The following FRMD4B variants were observed in gnomAD, a reference collection of about 807,000 sequenced individuals.
The protein encoded by FRMD4B is FERM domain-containing protein 4B.
FRMD4B carries 74 observed loss-of-function variants against 141.5 expected under a neutral mutation model. The observed-to-expected ratio is 0.52, with a 90% CI of 0.43 to 0.63. FRMD4B has a LOEUF of 0.63. Ranked by LOEUF, FRMD4B falls within the 30% of genes least tolerant of loss-of-function variation. The pLI, the probability that FRMD4B is intolerant of heterozygous loss-of-function variation, is 0.00. For synonymous variants in FRMD4B, 506 were observed against 467.9 expected, an observed-to-expected ratio of 1.08 and a Z score of -1.05; for missense variants, 1,366 against 1,253.4, an observed-to-expected ratio of 1.09 and a Z score of -1.36.
chr3:69,307,352 T>C (rs1479053648), intron 3 of FRMD4B, among the ~76,000 whole-genome samples: 1 of 152,074 alleles, frequency 6.6e-6, no homozygotes, highest in Admixed American at 6.5e-5. Flanking sequence ...TTATTCCTTT[T>C]CTTTTCCTTT....
intron 1 of FRMD4B, among the ~76,000 whole-genome samples, chr3:69,460,738 A>G (rs1705695481): frequency 6.6e-6 from 1 of 152,148 alleles, no homozygotes; most frequent in South Asian, 2.1e-4. Flanking sequence ...TGACCAGGTT[A>G]CCCACAGCAC....
chr3:69,274,806 A>G (rs1455864909), intron 5 of FRMD4B, among the ~76,000 whole-genome samples: 2 of 152,194 alleles, frequency 1.3e-5, no homozygotes, highest in African/African-American at 4.8e-5. Flanking sequence ...GGCATGAGCC[A>G]CTGCACCCAG....
chr3:69,207,172 G>A (rs988518132), intron 11 of FRMD4B, among the ~76,000 whole-genome samples: 1 of 152,044 alleles, frequency 6.6e-6, no homozygotes, highest in Non-Finnish European at 1.5e-5. Flanking sequence ...GGACACAATG[G>A]CACATGCCTA....
In FRMD4B at chr3:69,188,794, G is replaced by A. The variant is rs113421150; in HGVS notation, c.1772-877C>T. Among the ~76,000 whole-genome samples, 305 of 142,762 alleles carry A rather than the reference G, an allele frequency of 2.1e-3. 1 individual carries two copies. Among genetic ancestry groups the A allele is most frequent in the African/African-American group, 7.7e-3 (287 of 37,358 alleles). The allele number at this position is 142,762 out of a possible 152,430, so 93.7% of individuals were successfully genotyped here. A position where few individuals can be genotyped will look rare whatever the true frequency, so the allele number is the denominator to read the frequency against. ...AAAAAAAAAAAAAAAACTTGGGGAA[G>A]ATAAAGCAGTGGGGGTGTGGTTTCC... On this transcript the variant is annotated intron_variant, in intron 18 of 22. Transcript: ENST00000398540.
intron 21 of FRMD4B, among the ~76,000 whole-genome samples, chr3:69,179,476 T>C (rs191952355): frequency 1.3e-5 from 2 of 152,208 alleles, no homozygotes; most frequent in Admixed American, 6.5e-5. Flanking sequence ...AAATAAGAAA[T>C]AATTACCGAA....
chr3:69,227,820 CA>C (rs1342703369), intron 7 of FRMD4B, among the ~76,000 whole-genome samples: 1 of 151,270 alleles, frequency 6.6e-6, no homozygotes, highest in African/African-American at 2.4e-5. Context: ...TAGAACTGTA[CA>C]ACACAAAGAG....
intron 5 of FRMD4B, among the ~76,000 whole-genome samples, chr3:69,279,820 T>C (rs9847661): frequency 0.74 from 106,307 of 143,356 alleles, 39,824 homozygotes; most frequent in East Asian, 0.97. Context: ...TCCTTCCCAC[T>C]TCTGCAGAAA....
intron 1 of FRMD4B, among the ~76,000 whole-genome samples, chr3:69,338,032 C>T (rs1702612292): frequency 6.6e-6 from 1 of 152,206 alleles, no homozygotes; most frequent in Non-Finnish European, 1.5e-5. Flanking sequence ...GCACTATTCA[C>T]TATAGCAAAG....
At chr3:69,229,957 C>T (rs1338717716) in intron 7 of FRMD4B, among the ~76,000 whole-genome samples, 1 of 151,652 alleles carries the variant, frequency 6.6e-6, no homozygotes, top group East Asian at 1.9e-4. Context: ...AGAGATAGAC[C>T]GCACCCGGCC....
rs1249513407 is a variant in FRMD4B, at chr3:69,386,030, T to C, written c.-41A>G. 2 of 1,518,638 alleles carry C rather than the reference T, an allele frequency of 1.3e-6. No individual in the cohort carries two copies. The highest frequency in any genetic ancestry group is 1.8e-6 in the Non-Finnish European group (2 of 1,125,086). 94.1% of individuals were successfully genotyped at this position (1,518,638 alleles called of 1,614,324 possible). A position where few individuals can be genotyped will look rare whatever the true frequency, so the allele number is the denominator to read the frequency against. ...CTGAACCCGGGCGTCCCGGCTCTCG[T>C]ACGTGCAGCCCCGACCCCAGCGGCC... On this transcript the variant is annotated 5_prime_UTR_variant, in exon 1 of 23. Coordinates refer to ENST00000398540, the MANE Select transcript of FRMD4B (RefSeq NM_015123.3).
At chr3:69,353,476 A>T in intron 1 of FRMD4B, 1 of 629,324 alleles carries the variant, frequency 1.6e-6, no homozygotes, top group Non-Finnish European at 2.0e-6. Context: ...ATGAAATGCC[A>T]GTCAAAGCTG....
intron 1 of FRMD4B, among the ~76,000 whole-genome samples, chr3:69,538,371 T>C (rs1336100370): frequency 1.3e-5 from 2 of 152,222 alleles, no homozygotes; most frequent in African/African-American, 2.4e-5. Context: ...GGTTTGTAAC[T>C]TATTAGCAAA....
At chr3:69,232,230 G>A (rs1338993208) in intron 7 of FRMD4B, among the ~76,000 whole-genome samples, 1 of 152,174 alleles carries the variant, frequency 6.6e-6, no homozygotes, top group Non-Finnish European at 1.5e-5. Flanking sequence ...ATTGCCATGA[G>A]GGACTGGTTT....
intron 22 of FRMD4B, among the ~76,000 whole-genome samples, chr3:69,173,870 G>A (rs567313955): frequency 1.6e-4 from 25 of 152,312 alleles, no homozygotes; most frequent in African/African-American, 6.0e-4. Flanking sequence ...TGGGCGCCGT[G>A]GGTTACACCT....
intron 1 of FRMD4B, chr3:69,377,224 T>C (rs1703994990): frequency 6.6e-6 from 1 of 152,214 alleles, no homozygotes; most frequent in Non-Finnish European, 1.5e-5. Context: ...AAGATTAATT[T>C]TCTCAGTGAT....
At chr3:69,356,471 T>A (rs960672837) in intron 1 of FRMD4B, among the ~76,000 whole-genome samples, 4 of 152,002 alleles carry the variant, frequency 2.6e-5, no homozygotes, top group African/African-American at 7.2e-5. Flanking sequence ...GTTCTTCAGT[T>A]TGGGGACTCG....
chr3:69,183,945 G>C (rs973250945), intron 19 of FRMD4B, among the ~76,000 whole-genome samples: 9 of 151,968 alleles, frequency 5.9e-5, no homozygotes. Flanking sequence ...ATCCAGGCTT[G>C]AGGAGAGTGG....
chr3:69,326,592 C>T, intron 1 of FRMD4B, among the ~76,000 whole-genome samples: 1 of 152,204 alleles, frequency 6.6e-6, no homozygotes, highest in East Asian at 1.9e-4. Context: ...TCAAACCTAC[C>T]TGTGAAGCAG....
At position 69,172,562 on chromosome 3, in the gene FRMD4B, C is replaced by T. The variant is rs530965857; in HGVS notation, c.2985-581G>A. Among the ~76,000 whole-genome samples, 40 of 152,114 alleles carry T rather than the reference C, an allele frequency of 2.6e-4. No homozygotes were observed. In the South Asian group the frequency reaches 5.8e-3, roughly 22 times the overall value. The stretch of plus-strand genomic sequence containing the variant: ...TGACAATCACATTTTAAGTACTCTT[C>T]GAATTGAGGGAATATGCTAGATGCT... On this transcript the variant is annotated intron_variant, in intron 22 of 22. Transcript: ENST00000398540.
Sources: allele counts gnomAD v4.1 joint callset (sites outside exome capture counted in the v4.1 genomes callset), GRCh38; gene constraint gnomAD v4.1.1; transcripts MANE v1.5; gene names NCBI Gene and HGNC (gene_info 2026-07-23, HGNC 2026-07-21).